SRCAP: variants seen among roughly 807,000 people sequenced by gnomAD.
SRCAP encodes the protein Snf2 related CREBBP activator protein, also known as chromatin remodeling protein SRCAP.
A neutral mutation model predicts 263.1 loss-of-function variants in SRCAP; 46 were observed. The ratio of observed to expected loss-of-function variants is 0.17; its 90% CI spans 0.14 to 0.22. The LOEUF (loss-of-function observed/expected upper bound fraction) is 0.22. Among genes scored for constraint, SRCAP ranks in the 10% least tolerant of loss-of-function variants. The pLI, the probability that SRCAP is intolerant of heterozygous loss-of-function variation, is 1.00. For missense variants in SRCAP, 3,695 were observed against 4,181.9 expected (o/e 0.88, Z 3.21); for synonymous variants, 1,813 against 1,662.1 (o/e 1.09, Z -2.21).
chr16:30,717,229 T>C (rs911547930), intron 18 of SRCAP, among the ~76,000 whole-genome samples: 1 of 152,200 alleles, frequency 6.6e-6, no homozygotes, highest in Non-Finnish European at 1.5e-5. Flanking sequence ...GATCTTTTCA[T>C]GTGCTCATTG....
chr16:30,738,486 T>C lies in SRCAP; in HGVS notation c.8446T>C (p.Ser2816Pro). 1 of 1,601,652 alleles carries C rather than the reference T, an allele frequency of 6.2e-7. No homozygotes were observed. Reference protein sequence around the residue: ...GGPCEAAPSSSLPTPPQQPFI... With the variant: ...GGPCEAAPSSPLPTPPQQPFI... ...GCCCTGTGAAGCTGCTCCTTCATCC[T>C]CACTGCCCACTCCACCCCAGCAGCC... The change falls in exon 34 of 34, where the codon TCA becomes CCA. Residue 2816 changes from serine to proline, a missense_variant. Ser to Pro is a moderately conservative substitution (Grantham distance 74). Transcript: ENST00000262518.
intron 27 of SRCAP, among the ~76,000 whole-genome samples, chr16:30,730,108 T>C (rs924610956): frequency 4.6e-5 from 7 of 152,218 alleles, no homozygotes; most frequent in Admixed American, 3.9e-4. Flanking sequence ...TGCTGCTAAC[T>C]CCTTCATTCA....
Position 30,738,949 on chromosome 16 carries a change from C to T in SRCAP, c.8909C>T (p.Pro2970Leu), listed in dbSNP as rs1243927741. 6.2e-7 allele frequency: 1 copy of T among 1,613,854 alleles called. No homozygotes were observed. Among genetic ancestry groups the T allele is most frequent in the South Asian group, 1.1e-5 (1 of 91,012 alleles). Reference protein sequence around the residue: ...GNSESRTQPPPHPSPLTPLPP... With the variant: ...GNSESRTQPPLHPSPLTPLPP... ...TCCGAAAGTCGGACACAGCCACCCC[C>T]ACACCCATCACCCCTAACCCCACTC... The change falls in exon 34 of 34, where the codon CCA becomes CTA. Residue 2970 changes from proline (P) to leucine (L), a missense_variant. This residue lies in a region of SRCAP where 1,207 missense variants were observed against 1,142.9 expected (regional missense o/e 1.06). Coordinates refer to ENST00000262518, the MANE Select transcript of SRCAP (RefSeq NM_006662.3).
In SRCAP at chr16:30,738,629, C is replaced by A. The variant is rs113103193; in HGVS notation, c.8589C>A (p.Pro2863=). 2.5e-6 allele frequency: 4 copies of A among 1,606,514 alleles called. No homozygotes were observed. Among genetic ancestry groups the A allele is most frequent in the Non-Finnish European group, 3.4e-6 (4 of 1,176,374 alleles). The part of the protein sequence containing the change: ...PPAVKRRRGR[P]PKKNRSPADA... The stretch of plus-strand genomic sequence containing the variant: ...CTGTGAAACGTCGGAGGGGGAGGCC[C>A]CCCAAGAAGAACAGGTCTCCAGCAG... The change falls in exon 34 of 34, where the codon CCC becomes CCA. Residue 2863 remains proline (P), a synonymous_variant. Transcript: ENST00000262518.
chr16:30,738,556 G>A lies in SRCAP; in HGVS notation c.8516G>A (p.Gly2839Asp), dbSNP rs2053185103. 6.2e-7 allele frequency: 1 copy of A among 1,610,842 alleles called. No individual in the cohort carries two copies. Among genetic ancestry groups the A allele is most frequent in the South Asian group, 1.1e-5 (1 of 90,772 alleles). ...ATTGAGCTGGGGGTGACTGGTGGTG[G>A]CAGCCCCGAGAATGGAGACGGAGCA... ...RHIELGVTGG[G>D]SPENGDGALL... Residue 2839 changes from glycine to aspartate, a missense_variant, in exon 34 of 34, where the codon GGC becomes GAC. Coordinates refer to ENST00000262518, the MANE Select transcript of SRCAP (RefSeq NM_006662.3).
chr16:30,733,536 T>G lies in SRCAP; in HGVS notation c.6298-66T>G. ...TTTGGGCTTCCAGACGGGGTGCCAC[T>G]AAGCCTTTAGACCTGTTTTGGGGGA... On this transcript the variant is annotated intron_variant, in intron 28 of 33. Coordinates refer to ENST00000262518, the MANE Select transcript of SRCAP (RefSeq NM_006662.3). This position sits in a 1 kb window ranked among gnomAD's most constrained non-coding sequence, Gnocchi z 5.3. 1 of 1,604,726 alleles carries G rather than the reference T, an allele frequency of 6.2e-7. No individual in the cohort carries two copies. The highest frequency in any genetic ancestry group is 8.5e-7 in the Non-Finnish European group (1 of 1,174,152).
At position 30,720,967 on chromosome 16, in the gene SRCAP, C is replaced by G; in HGVS notation, c.3242C>G (p.Ser1081Cys). ...CCTCCACTGCAGCCCAACAGTGGTT[C>G]TCTCCCCCAGGGTGAGTTGAAAGGG... ...LLPPLQPNSG[S>C]LPQVLPSPLG... Residue 1081 changes from serine (S) to cysteine (C), a missense_variant, in exon 20 of 34, where the codon TCT (serine) becomes TGT (cysteine). This residue lies in a region of SRCAP where 1,347 missense variants were observed against 1,304.4 expected (regional missense o/e 1.03). Transcript: ENST00000262518. The G allele has an allele frequency of 1.2e-6, 2 of 1,606,102 alleles. No homozygotes were observed. The highest frequency in any genetic ancestry group is 8.5e-7 in the Non-Finnish European group (1 of 1,175,880).
In SRCAP at chr16:30,711,733, GCAGT is replaced by G; in HGVS notation, c.1489_1492del (p.Ser497ThrfsTer81). ...GAAGAGCCTCCTCAGGAGGATAGTA[GCAGT>G]CAGTCAGGTGAATATGTGGTCATGA... On this transcript the variant is annotated frameshift_variant, in exon 11 of 34. Coordinates refer to ENST00000262518, the MANE Select transcript of SRCAP (RefSeq NM_006662.3). LOFTEE classifies it high-confidence loss of function. 1 of 1,612,890 alleles carries G rather than the reference GCAGT, an allele frequency of 6.2e-7. No homozygotes were observed. Among genetic ancestry groups the G allele is most frequent in the Non-Finnish European group, 8.5e-7 (1 of 1,179,396 alleles).
rs2053167531 is a variant in SRCAP at position 30,737,065 on chromosome 16, C to T, written c.7025C>T (p.Ala2342Val). Residue 2342 changes from alanine (A) to valine (V), a missense_variant, in exon 34 of 34, where the codon GCC (alanine) becomes GTC (valine). Physicochemically the swap from Ala to Val is moderately conservative, Grantham distance 64 (BLOSUM62 0). Coordinates refer to ENST00000262518, the MANE Select transcript of SRCAP (RefSeq NM_006662.3). ...TTGTTGTAGGAGCAAGTGGAAGCTGCCCGCAAAGACCTGGACCAAGCCAAG... is the reference window on the plus strand; with the variant it reads ...TTGTTGTAGGAGCAAGTGGAAGCTGTCCGCAAAGACCTGGACCAAGCCAAG... ...LKQAEEQVEAARKDLDQAKEE... is the reference protein window; with the variant it reads ...LKQAEEQVEAVRKDLDQAKEE... The T allele has an allele frequency of 2.5e-6, 4 of 1,590,800 alleles. No homozygotes were observed. The East Asian group carries it at 9.0e-5, about 36-fold the overall frequency.
intron 14 of SRCAP, 26 bp from the exon 15 acceptor site, chr16:30,713,182 G>A (rs375450756): frequency 1.9e-5 from 31 of 1,610,060 alleles, no homozygotes; most frequent in Non-Finnish European, 2.6e-5. Flanking sequence ...CCCACTATCT[G>A]CTACTTTCTG....
rs1223875160 is a variant in SRCAP, at chr16:30,738,337, G to A, written c.8297G>A (p.Arg2766Gln). The A allele has an allele frequency of 8.2e-6, 13 of 1,575,776 alleles. No homozygotes were observed. Among genetic ancestry groups the A allele is most frequent in the African/African-American group, 1.4e-5 (1 of 73,676 alleles). Residue 2766 changes from arginine (R) to glutamine (Q), a missense_variant, in exon 34 of 34, where the codon CGG becomes CAG. Around this residue, in one of 12 missense-constraint regions of SRCAP, gnomAD observed 1,207 missense variants for 1,142.9 expected, o/e 1.06. Transcript: ENST00000262518. The stretch of plus-strand genomic sequence containing the variant: ...GTAGAGGAAAAGGAACTGGTGCGGC[G>A]GCGGCGGCAGCAGCGGGGAGCTGCC... ...TVVEEKELVR[R>Q]RRQQRGAAST...
chr16:30,710,068 T>C lies in SRCAP; in HGVS notation c.1074T>C (p.Asp358=). ...SSPSQTPSSH[D]SDTRDGPEEG... ...CCTCTCAAACCCCCTCATCTCATGA[T>C]AGTGACACCCGAGATGGGCCTGAAG... is the stretch of plus-strand genomic sequence containing the variant. The change falls in exon 8 of 34, where the codon GAT becomes GAC. Residue 358 remains aspartate (D), a synonymous_variant. Transcript: ENST00000262518. 6.2e-7 allele frequency: 1 copy of C among 1,613,820 alleles called. No homozygotes were observed. Among genetic ancestry groups the C allele is most frequent in the Non-Finnish European group, 8.5e-7 (1 of 1,179,966 alleles).
intron 3 of SRCAP, chr16:30,701,481 C>T (rs1178083190): frequency 6.6e-6 from 1 of 152,056 alleles, no homozygotes; most frequent in African/African-American, 2.4e-5. Flanking sequence ...TATAGTTTTC[C>T]TGAGAAACTG....
At chr16:30,723,522 G>C (rs541833065) in intron 24 of SRCAP, 62 bp from the exon 25 acceptor site, 523 of 1,550,208 alleles carry the variant, frequency 3.4e-4, no homozygotes, top group Non-Finnish European at 4.1e-4. Context: ...GGAAAGATGG[G>C]ACAGGGAGTA....
rs775818679 is a variant in SRCAP, at chr16:30,720,861, C to G, written c.3136C>G (p.Pro1046Ala). 6 of 1,614,060 alleles carry G rather than the reference C, an allele frequency of 3.7e-6. No individual in the cohort carries two copies. Among genetic ancestry groups the G allele is most frequent in the Non-Finnish European group, 5.1e-6 (6 of 1,179,998 alleles). ...PTPGPVPQVL[P>A]ASLMVSASPA... ...CCCTGGCCCAGTCCCCCAAGTGCTG[C>G]CAGCATCACTGATGGTTTCAGCCTC... Residue 1046 changes from proline to alanine, a missense_variant, in exon 20 of 34, where the codon CCA (proline) becomes GCA (alanine). By Grantham distance (27) the Pro-to-Ala change is conservative (BLOSUM62 -1). This residue lies in a region of SRCAP where 1,347 missense variants were observed against 1,304.4 expected (regional missense o/e 1.03). Transcript: ENST00000262518.
At chr16:30,728,312 A>G (rs974097697) in intron 25 of SRCAP, among the ~76,000 whole-genome samples, 2 of 152,248 alleles carry the variant, frequency 1.3e-5, no homozygotes, top group African/African-American at 2.4e-5. Context: ...TATTAGTTAA[A>G]TAATCATACA....
Position 30,739,952 on chromosome 16 carries a change from G to A in SRCAP, c.*219G>A. On this transcript the variant is annotated 3_prime_UTR_variant, in exon 34 of 34. Transcript: ENST00000262518. ...CCCCTTCACCCCACGTGGCTGGGCA[G>A]TGTTAAGGGTGGCAAGATAGTCTCT... 1 of 627,796 alleles carries A rather than the reference G, an allele frequency of 1.6e-6. No individual in the cohort carries two copies. The highest frequency in any genetic ancestry group is 2.4e-6 in the Non-Finnish European group (1 of 417,740). 38.9% of individuals were successfully genotyped at this position (627,796 alleles called of 1,614,324 possible).
chr16:30,735,136 A>ATTTTTTTTTTTTT (rs10532453), intron 31 of SRCAP, among the ~76,000 whole-genome samples: 2 of 106,498 alleles, frequency 1.9e-5, no homozygotes, highest in African/African-American at 8.8e-5. Context: ...AGTACAAAGC[A>ATTTTTTTTTTTTT]TTTTTTTTTT....
In SRCAP at chr16:30,729,196, G is replaced by T; in HGVS notation, c.5889G>T (p.Gln1963His). ...EAAHRAVLFP[Q>H]QRLDQLSEII... ...CCCACCGGGCTGTACTGTTTCCCCAGCAGCGACTAGACCAGCTGTCAGAAA... is the reference window on the plus strand; with the variant it reads ...CCCACCGGGCTGTACTGTTTCCCCATCAGCGACTAGACCAGCTGTCAGAAA... The change falls in exon 26 of 34, where the codon CAG becomes CAT. Residue 1963 changes from glutamine to histidine, a missense_variant. Coordinates refer to ENST00000262518, the MANE Select transcript of SRCAP (RefSeq NM_006662.3). 3 of 1,611,986 alleles carry T rather than the reference G, an allele frequency of 1.9e-6. No homozygotes were observed. Among genetic ancestry groups the T allele is most frequent in the Non-Finnish European group, 2.5e-6 (3 of 1,178,452 alleles).
Sources: allele counts gnomAD v4.1 joint callset (sites outside exome capture counted in the v4.1 genomes callset), GRCh38; gene constraint gnomAD v4.1.1; regional missense constraint gnomAD v4.1.1; non-coding constraint Gnocchi (gnomAD v3.1); transcripts MANE v1.5; gene names NCBI Gene and HGNC (gene_info 2026-07-23, HGNC 2026-07-21).